SH3BP4: variants seen among roughly 807,000 people sequenced by gnomAD.
SH3BP4 encodes SH3 domain-binding protein 4.
In SH3BP4, 33 loss-of-function variants were observed where a neutral mutation model predicts 65.5. The observed-to-expected ratio is 0.50, with a 90% confidence interval of 0.38 to 0.67. The LOEUF (loss-of-function observed/expected upper bound fraction) is 0.67, where lower values mean the gene tolerates loss of function less well. Among genes scored for constraint, SH3BP4 ranks in the 30% least tolerant of loss-of-function variants. SH3BP4 has a pLI of 0.00. For missense variants in SH3BP4, 1,134 were observed against 1,261.4 expected, an observed-to-expected ratio of 0.90 and a Z score of 1.53; for synonymous variants, 552 against 545.5, an observed-to-expected ratio of 1.01 and a Z score of -0.17.
In SH3BP4 at chr2:235,035,000, G is replaced by C; in HGVS notation, c.-3G>C. Reference sequence around the variant, plus strand: ...CGGCTTTACCCGGGAAGCGAGTTTCGAGATGGCGGCTCAGCGGATCCGAGC... The same window carrying C: ...CGGCTTTACCCGGGAAGCGAGTTTCCAGATGGCGGCTCAGCGGATCCGAGC... On this transcript the variant is annotated 5_prime_UTR_variant, in exon 3 of 6. Coordinates refer to ENST00000392011, the MANE Select transcript of SH3BP4 (RefSeq NM_014521.3). The surrounding 1 kb of genome is among the most constrained non-coding windows in gnomAD (Gnocchi z 6.2). 6.2e-7 allele frequency: 1 copy of C among 1,613,390 alleles called. No individual in the cohort carries two copies. The highest frequency in any genetic ancestry group is 8.5e-7 in the Non-Finnish European group (1 of 1,179,556).
intron 2 of SH3BP4, among the ~76,000 whole-genome samples, chr2:235,014,180 C>G (rs1196603904): frequency 6.6e-6 from 1 of 152,132 alleles, no homozygotes; most frequent in Non-Finnish European, 1.5e-5. Flanking sequence ...GGTGTAATTA[C>G]CCGTTGCCTG....
intron 1 of SH3BP4, among the ~76,000 whole-genome samples, chr2:234,993,880 G>T (rs1156639827): frequency 6.6e-6 from 1 of 152,232 alleles, no homozygotes; most frequent in African/African-American, 2.4e-5. Flanking sequence ...AGGTGGCTGT[G>T]TTGGAGCTGT....
chr2:235,001,863 G>A (rs1308707793), intron 2 of SH3BP4, among the ~76,000 whole-genome samples: 3 of 152,092 alleles, frequency 2.0e-5, no homozygotes, highest in Non-Finnish European at 4.4e-5. Context: ...TTTGTTTTTT[G>A]TTTTTTATTT....
At chr2:235,013,283 A>G (rs560267870) in intron 2 of SH3BP4, among the ~76,000 whole-genome samples, 15 of 152,136 alleles carry the variant, frequency 9.9e-5, no homozygotes, top group African/African-American at 3.6e-4. Context: ...CCTTCTGTGC[A>G]GAAGGTCCAG....
Position 235,038,023 on chromosome 2 carries a change from C to G in SH3BP4, c.119-2865C>G, listed in dbSNP as rs532936098. On this transcript the variant is annotated intron_variant, in intron 3 of 5. Transcript: ENST00000392011. ...CGTTTACGCATGCACGATGATCATT[C>G]ATTCCACAAATACTCATTGAGTCCC... is the stretch of plus-strand genomic sequence containing the variant. Among the ~76,000 whole-genome samples, 3 of 151,438 alleles carry G rather than the reference C, an allele frequency of 2.0e-5. No homozygotes were observed. The South Asian group carries it at 6.3e-4, about 32-fold the overall frequency.
intron 1 of SH3BP4, among the ~76,000 whole-genome samples, chr2:234,960,992 C>A (rs1475426842): frequency 1.3e-5 from 2 of 152,200 alleles, no homozygotes. Context: ...AGCTCCATGG[C>A]TCTTTGTTGG....
chr2:235,008,193 A>G (rs1694361548), intron 2 of SH3BP4, among the ~76,000 whole-genome samples: 1 of 152,164 alleles, frequency 6.6e-6, no homozygotes, highest in Admixed American at 6.5e-5. Flanking sequence ...GGGCCACCGC[A>G]GGATGTGTAT....
intron 2 of SH3BP4, among the ~76,000 whole-genome samples, chr2:235,021,992 G>T (rs1481662689): frequency 6.6e-6 from 1 of 152,104 alleles, no homozygotes; most frequent in Non-Finnish European, 1.5e-5. Flanking sequence ...ATTAATGTCA[G>T]TCCACAAACC....
At chr2:235,028,176 T>C (rs945964190) in intron 2 of SH3BP4, among the ~76,000 whole-genome samples, 3 of 152,230 alleles carry the variant, frequency 2.0e-5, no homozygotes, top group Non-Finnish European at 4.4e-5. Context: ...TGCGCCTTCC[T>C]GTCTTCCTAG....
At chr2:234,982,028 G>A (rs1284101023) in intron 1 of SH3BP4, among the ~76,000 whole-genome samples, 2 of 152,188 alleles carry the variant, frequency 1.3e-5, no homozygotes, top group African/African-American at 2.4e-5. Flanking sequence ...GGCACAGGCA[G>A]TGGGGTCCAG....
At position 235,042,119 on chromosome 2, in the gene SH3BP4, C is replaced by G; in HGVS notation, c.1350C>G (p.Tyr450Ter). The change falls in exon 4 of 6, where the codon TAC becomes TAG. Residue 450 changes from tyrosine (Y) to a stop codon, truncating the protein, a stop_gained. Transcript: ENST00000392011. LOFTEE classifies it high-confidence loss of function. This position sits in a 1 kb window ranked among gnomAD's most constrained non-coding sequence, Gnocchi z 7.3. ...TGCACAACCTGGAGCCCTGTATGTA[C>G]GTGGCTGTCGTGGCCCATGGCCCAA... ...AQLHNLEPCMYVAVVAHGPSI... is the reference protein window; with the variant it reads ...AQLHNLEPCM The G allele has an allele frequency of 6.2e-7, 1 of 1,613,988 alleles. No individual in the cohort carries two copies. The highest frequency in any genetic ancestry group is 8.5e-7 in the Non-Finnish European group (1 of 1,180,018).
rs1191485658 is a variant in SH3BP4, at chr2:235,054,953, T to C, written c.*1137T>C. 6.6e-6 allele frequency: 1 copy of C among 152,230 alleles called. No homozygotes were observed. Among genetic ancestry groups the C allele is most frequent in the African/African-American group, 2.4e-5 (1 of 41,462 alleles). 9.4% of individuals were successfully genotyped at this position (152,230 alleles called of 1,614,324 possible). On this transcript the variant is annotated 3_prime_UTR_variant, in exon 6 of 6. Coordinates refer to ENST00000392011, the MANE Select transcript of SH3BP4 (RefSeq NM_014521.3). ...GTCTCCTCGGAAGGAAGTCATAGTTTAGATGAAACCATTTTTTGTACAATG... is the reference window on the plus strand; with the variant it reads ...GTCTCCTCGGAAGGAAGTCATAGTTCAGATGAAACCATTTTTTGTACAATG...
chr2:235,000,101 G>A (rs1222276274), intron 2 of SH3BP4, among the ~76,000 whole-genome samples: 1 of 152,234 alleles, frequency 6.6e-6, no homozygotes, highest in Admixed American at 6.5e-5. Flanking sequence ...CAGGCTGGGG[G>A]TGTGCCTGGG....
At position 234,991,367 on chromosome 2, in the gene SH3BP4, G is replaced by A. The variant is rs2106269640; in HGVS notation, c.-206-3936G>A. ...CCATTGTTAAAACAGCTACTCAGATGGACAGAGTGACATAACTGCCCTTCT... is the reference window on the plus strand; with the variant it reads ...CCATTGTTAAAACAGCTACTCAGATAGACAGAGTGACATAACTGCCCTTCT... On this transcript the variant is annotated intron_variant, in intron 1 of 5. Transcript: ENST00000392011. The surrounding 1 kb of genome is among the most constrained non-coding windows in gnomAD (Gnocchi z 4.2). Among the ~76,000 whole-genome samples the A allele has an allele frequency of 6.6e-6, 1 of 152,266 alleles. No homozygotes were observed. Among genetic ancestry groups the A allele is most frequent in the Middle Eastern group, 3.4e-3 (1 of 294 alleles).
At chr2:235,047,353 TGATGCG>T (rs1291845804) in intron 4 of SH3BP4, among the ~76,000 whole-genome samples, 1 of 152,192 alleles carries the variant, frequency 6.6e-6, no homozygotes, top group African/African-American at 2.4e-5. Context: ...TTCAGCCCCC[TGATGCG>T]TCAGAGGCGA....
rs556036232 is a variant in SH3BP4 at position 234,967,340 on chromosome 2, C to A, written c.-207+15170C>A. Among the ~76,000 whole-genome samples, 3 of 152,014 alleles carry A rather than the reference C, an allele frequency of 2.0e-5. No homozygotes were observed. The highest frequency in any genetic ancestry group is 6.6e-5 in the Admixed American group (1 of 15,262). ...GTCGCAGATGACGTGTGAGGGTGGG[C>A]GGGAGGTTGCCAGGTGGGTAATCAG... On this transcript the variant is annotated intron_variant, in intron 1 of 5. Transcript: ENST00000392011. This position sits in a 1 kb window ranked among gnomAD's most constrained non-coding sequence, Gnocchi z 4.6.
At position 235,055,674 on chromosome 2, in the gene SH3BP4, G is replaced by A. The variant is rs1419740270; in HGVS notation, c.*1858G>A. The A allele has an allele frequency of 6.6e-6, 1 of 152,598 alleles. No individual in the cohort carries two copies. The allele number at this position is 152,598 out of a possible 1,614,324, so 9.5% of individuals were successfully genotyped here. ...CCTGTTAAGTGTGTGTGTGTTTTCT[G>A]TACCCAACCAGACTTTAAATAAAAC... is the stretch of plus-strand genomic sequence containing the variant. On this transcript the variant is annotated 3_prime_UTR_variant, in exon 6 of 6. Transcript: ENST00000392011.
chr2:235,003,598 A>C (rs1694200273), intron 2 of SH3BP4, among the ~76,000 whole-genome samples: 1 of 152,152 alleles, frequency 6.6e-6, no homozygotes, highest in African/African-American at 2.4e-5. Flanking sequence ...CTTGGTGAGG[A>C]ACAGTTGCAT....
chr2:235,005,071 C>T (rs1485593098), intron 2 of SH3BP4, among the ~76,000 whole-genome samples: 1 of 152,226 alleles, frequency 6.6e-6, no homozygotes, highest in East Asian at 1.9e-4. Flanking sequence ...GCAGATCCCC[C>T]TGGGTGTTAA....
Sources: gnomAD v4.1 joint callset for allele counts (sites outside exome capture counted in the v4.1 genomes callset) on GRCh38, gnomAD v4.1.1 for gene constraint, Gnocchi (gnomAD v3.1) non-coding constraint, MANE v1.5 for transcripts, NCBI Gene and HGNC (gene_info 2026-07-23, HGNC 2026-07-21) for gene names.